MAD2L1: variants seen among roughly 807,000 people sequenced by gnomAD.
MAD2L1 encodes mitotic arrest deficient 2 like 1.
In MAD2L1, 10 loss-of-function variants were observed where a neutral mutation model predicts 25.9. That is an observed-to-expected ratio of 0.39 (90% CI 0.24 to 0.66). The LOEUF (loss-of-function observed/expected upper bound fraction) is 0.66. Ranked by LOEUF, MAD2L1 falls within the 30% of genes least tolerant of loss-of-function variation. The pLI is 0.49. For missense variants in MAD2L1, 180 were observed against 246.4 expected, an observed-to-expected ratio of 0.73 and a Z score of 1.80; for synonymous variants, 81 against 91.8, an observed-to-expected ratio of 0.88 and a Z score of 0.67.
chr4:120,060,684 G>A (rs1726198038), intron 4 of MAD2L1, among the ~76,000 whole-genome samples, 190 bp downstream of exon 4: 1 of 152,080 alleles, frequency 6.6e-6, no homozygotes, highest in African/African-American at 2.4e-5. Context: ...ATGGTTTCAG[G>A]TATTCACTGT....
chr4:120,064,102 A>G (rs1184195282), intron 2 of MAD2L1, among the ~76,000 whole-genome samples: 3 of 152,234 alleles, frequency 2.0e-5, no homozygotes, highest in Admixed American at 2.0e-4. Flanking sequence ...GTGAAATGTC[A>G]TTAACGCAGT....
intron 4 of MAD2L1, 144 bp downstream of exon 4, chr4:120,060,730 A>T: frequency 1.7e-6 from 1 of 582,540 alleles, no homozygotes; most frequent in Non-Finnish European, 3.1e-6. Flanking sequence ...ACGATACATT[A>T]CTTTTGCATG....
chr4:120,066,778 A>AGC lies in MAD2L1; in HGVS notation c.-46_-45dup, dbSNP rs538690213. 631 of 1,431,160 alleles carry AGC rather than the reference A, an allele frequency of 4.4e-4. 3 individuals carry two copies. The African/African-American group carries it at 7.5e-3, about 17-fold the overall frequency. 88.7% of individuals were successfully genotyped at this position (1,431,160 alleles called of 1,614,324 possible). A position where few individuals can be genotyped will look rare whatever the true frequency, so the allele number is the denominator to read the frequency against. ...AAGCACGCGCTTCCACTCCGCGGAC[A>AGC]GCAACCACAGCGGCTCCAACAGCAC... On this transcript the variant is annotated 5_prime_UTR_variant, in exon 1 of 5. Coordinates refer to ENST00000296509, the MANE Select transcript of MAD2L1 (RefSeq NM_002358.4).
In MAD2L1 at chr4:120,066,678, G is replaced by T; in HGVS notation, c.57C>A (p.Ile19=). 1 of 1,603,900 alleles carries T rather than the reference G, an allele frequency of 6.2e-7. No homozygotes were observed. The highest frequency in any genetic ancestry group is 8.5e-7 in the Non-Finnish European group (1 of 1,173,114). Residue 19 remains isoleucine, a synonymous_variant, in exon 1 of 5, where the codon ATC becomes ATA. Coordinates refer to ENST00000296509, the MANE Select transcript of MAD2L1 (RefSeq NM_002358.4). ...QGITLRGSAE[I]VAEFFSFGIN... is the part of the protein sequence containing the mutation. Reference sequence around the variant, plus strand: ...AGAACTTACAGAAGAACTCGGCCACGATTTCGGCGCTCCCGCGCAGGGTGA... The same window carrying T: ...AGAACTTACAGAAGAACTCGGCCACTATTTCGGCGCTCCCGCGCAGGGTGA...
At chr4:120,061,394 A>G (rs765839133) in intron 3 of MAD2L1, among the ~76,000 whole-genome samples, 3 of 152,218 alleles carry the variant, frequency 2.0e-5, no homozygotes, top group Non-Finnish European at 4.4e-5. Context: ...CAAATAAAAC[A>G]TTAAATTGTA....
Position 120,062,052 on chromosome 4 carries a change from G to A in MAD2L1, c.264C>T (p.Ile88=), listed in dbSNP as rs757962988. The A allele has an allele frequency of 3.7e-6, 6 of 1,612,582 alleles. No individual in the cohort carries two copies. The Admixed American group carries it at 6.7e-5, about 18-fold the overall frequency. The change falls in exon 3 of 5, where the codon ATC becomes ATT. Residue 88 remains isoleucine, a synonymous_variant. Transcript: ENST00000296509. The stretch of plus-strand genomic sequence containing the variant: ...GGACCTCACCACTTTCAATATTTGA[G>A]ATAACTACAACCAGTTTCTGAACTG... The part of the protein sequence containing the change: ...KCSVQKLVVV[I]SNIESGEVLE...
chr4:120,065,592 C>G, intron 2 of MAD2L1, 80 bp downstream of exon 2: 1 of 1,280,484 alleles, frequency 7.8e-7, no homozygotes, highest in Non-Finnish European at 1.1e-6. Context: ...CAGTACACTT[C>G]TATGTGCAGA....
At chr4:120,063,791 C>G (rs1428976139) in intron 2 of MAD2L1, among the ~76,000 whole-genome samples, 1 of 152,116 alleles carries the variant, frequency 6.6e-6, no homozygotes, top group African/African-American at 2.4e-5. Flanking sequence ...GTGGGTGGAT[C>G]ACGAGGTCAG....
chr4:120,056,632 G>T lies in MAD2L1; in HGVS notation c.*3486C>A, dbSNP rs968799645. ...AATATATAGGAAGTCAGTATAATTAGCATTATACTAATAAAAACATTTTTC... is the reference window on the plus strand; with the variant it reads ...AATATATAGGAAGTCAGTATAATTATCATTATACTAATAAAAACATTTTTC... On this transcript the variant is annotated 3_prime_UTR_variant, in exon 5 of 5. Coordinates refer to ENST00000296509, the MANE Select transcript of MAD2L1 (RefSeq NM_002358.4). 6.6e-6 allele frequency: 1 copy of T among 152,062 alleles called. No individual in the cohort carries two copies. The highest frequency in any genetic ancestry group is 2.4e-5 in the African/African-American group (1 of 41,406). The allele number at this position is 152,062 out of a possible 1,614,324, so 9.4% of individuals were successfully genotyped here.
intron 2 of MAD2L1, among the ~76,000 whole-genome samples, chr4:120,063,620 T>C (rs1364131222): frequency 6.6e-6 from 1 of 152,150 alleles, no homozygotes; most frequent in Non-Finnish European, 1.5e-5. Context: ...CCAATGGGGA[T>C]AATTAAAATC....
rs948746181 is a variant in MAD2L1, at chr4:120,058,340, A to G, written c.*1778T>C. 17 of 151,244 alleles carry G rather than the reference A, an allele frequency of 1.1e-4. No individual in the cohort carries two copies. Among genetic ancestry groups the G allele is most frequent in the African/African-American group, 4.1e-4 (17 of 41,238 alleles). 9.4% of individuals were successfully genotyped at this position (151,244 alleles called of 1,614,324 possible). On this transcript the variant is annotated 3_prime_UTR_variant, in exon 5 of 5. Transcript: ENST00000296509. Reference sequence around the variant, plus strand: ...CAGAGTATACACACAACCTTTAAAAATGTGATTTCAGCCGGGCGCAGTGGC... The same window carrying G: ...CAGAGTATACACACAACCTTTAAAAGTGTGATTTCAGCCGGGCGCAGTGGC...
rs765001112 is a variant in MAD2L1, at chr4:120,066,704, T to C, written c.31A>G (p.Ile11Val). 6.2e-6 allele frequency: 10 copies of C among 1,604,328 alleles called. No homozygotes were observed. In the East Asian group the frequency reaches 1.6e-4, roughly 25 times the overall value. ...ATTTCGGCGCTCCCGCGCAGGGTGATTCCCTGCTCCCGGGAGAGCTGCAGC... is the reference window on the plus strand; with the variant it reads ...ATTTCGGCGCTCCCGCGCAGGGTGACTCCCTGCTCCCGGGAGAGCTGCAGC... MALQLSREQGITLRGSAEIVA... is the reference protein window; with the variant it reads MALQLSREQGVTLRGSAEIVA... The change falls in exon 1 of 5, where the codon ATC becomes GTC. Residue 11 changes from isoleucine to valine, a missense_variant. By Grantham distance (29) the Ile-to-Val change is conservative. Transcript: ENST00000296509.
intron 3 of MAD2L1, 182 bp from the exon 4 acceptor site, chr4:120,061,159 C>T: frequency 2.1e-6 from 1 of 476,626 alleles, no homozygotes; most frequent in Non-Finnish European, 3.8e-6. Flanking sequence ...ACCTAGTAGG[C>T]ACAACATTCA....
Position 120,059,412 on chromosome 4 carries a change from T to C in MAD2L1, c.*706A>G, listed in dbSNP as rs561019736. On this transcript the variant is annotated 3_prime_UTR_variant, in exon 5 of 5. Transcript: ENST00000296509. ...TTTAACTATATCAACACCAAACCAG[T>C]ATCAAAATGTTTTAAGACAAATTTA... The C allele has an allele frequency of 6.6e-6, 1 of 152,244 alleles. No homozygotes were observed. The highest frequency in any genetic ancestry group is 2.1e-4 in the South Asian group (1 of 4,830). The allele number at this position is 152,244 out of a possible 1,614,324, so 9.4% of individuals were successfully genotyped here.
Position 120,058,404 on chromosome 4 carries a change from G to A in MAD2L1, c.*1714C>T, listed in dbSNP as rs1726147281. 6.6e-6 allele frequency: 1 copy of A among 152,136 alleles called. No individual in the cohort carries two copies. Among genetic ancestry groups the A allele is most frequent in the Admixed American group, 6.5e-5 (1 of 15,276 alleles). 9.4% of individuals were successfully genotyped at this position (152,136 alleles called of 1,614,324 possible). A position where few individuals can be genotyped will look rare whatever the true frequency, so the allele number is the denominator to read the frequency against. On this transcript the variant is annotated 3_prime_UTR_variant, in exon 5 of 5. Coordinates refer to ENST00000296509, the MANE Select transcript of MAD2L1 (RefSeq NM_002358.4). ...CCCAATGCTTTGTGAGGTCAAGGCG[G>A]GCAGATCATGAGGTCAGGAGTTCAA...
intron 2 of MAD2L1, among the ~76,000 whole-genome samples, chr4:120,064,773 T>A (rs1048018878): frequency 1.3e-5 from 2 of 152,034 alleles, no homozygotes; most frequent in African/African-American, 4.8e-5. Context: ...CTAAAAAAGT[T>A]CACATGGCCA....
Position 120,059,666 on chromosome 4 carries a change from G to GT in MAD2L1, c.*451dup, listed in dbSNP as rs1726177432. The GT allele has an allele frequency of 6.5e-6, 1 of 152,984 alleles. No individual in the cohort carries two copies. The highest frequency in any genetic ancestry group is 1.5e-5 in the Non-Finnish European group (1 of 68,570). The allele number at this position is 152,984 out of a possible 1,614,324, so 9.5% of individuals were successfully genotyped here. On this transcript the variant is annotated 3_prime_UTR_variant, in exon 5 of 5. Transcript: ENST00000296509. ...AGGAGCTATACAGCAATATTTCATTGTTTATAGATTATGAGTTACTTTCAG... is the reference window on the plus strand; with the variant it reads ...AGGAGCTATACAGCAATATTTCATTGTTTTATAGATTATGAGTTACTTTCAG...
intron 4 of MAD2L1, 111 bp from the exon 5 acceptor site, chr4:120,060,401 G>T: frequency 2.7e-6 from 2 of 752,672 alleles, no homozygotes; most frequent in Non-Finnish European, 4.0e-6. Context: ...CATTTGGCTT[G>T]GTCTCCAATC....
At chr4:120,066,494 C>T (rs551620589) in intron 1 of MAD2L1, among the ~76,000 whole-genome samples, 168 bp downstream of exon 1, 1 of 152,314 alleles carries the variant, frequency 6.6e-6, no homozygotes, top group East Asian at 1.9e-4. Context: ...GCGAGGTAGG[C>T]CCCAGCAGCA....
Sources: gnomAD v4.1 joint callset for allele counts (sites outside exome capture counted in the v4.1 genomes callset) on GRCh38, gnomAD v4.1.1 for gene constraint, MANE v1.5 for transcripts, NCBI Gene and HGNC (gene_info 2026-07-23, HGNC 2026-07-21) for gene names.